HLCS: variants seen among roughly 807,000 people sequenced by gnomAD.
HLCS encodes biotin--protein ligase.
Under a neutral mutation model 75.0 loss-of-function variants are expected in HLCS, and 53 were observed. The ratio of observed to expected loss-of-function variants is 0.71; its 90% CI spans 0.57 to 0.89. The LOEUF is 0.89. Ranked by LOEUF, HLCS falls within the 40% of genes least tolerant of loss-of-function variation. The pLI is 0.00. For missense variants in HLCS, 966 were observed against 1,074.0 expected (o/e 0.90, Z 1.41); for synonymous variants, 431 against 428.6 (o/e 1.01, Z -0.07).
intron 6 of HLCS, among the ~76,000 whole-genome samples, chr21:36,858,168 T>C (rs1452479084): frequency 6.6e-6 from 1 of 152,208 alleles, no homozygotes; most frequent in Non-Finnish European, 1.5e-5. Context: ...AAAAATTTCT[T>C]TCACTGCCCT....
At chr21:36,848,473 T>C (rs2062874733) in intron 6 of HLCS, among the ~76,000 whole-genome samples, 2 of 152,144 alleles carry the variant, frequency 1.3e-5, no homozygotes, top group Non-Finnish European at 2.9e-5. Context: ...TTTACCATGT[T>C]GGCCAGGCTG....
chr21:36,800,866 T>C (rs78124591), intron 6 of HLCS, among the ~76,000 whole-genome samples: 1,844 of 149,416 alleles, frequency 0.012, 31 homozygotes, highest in African/African-American at 0.042. Context: ...GCAAGTTCAG[T>C]GTTGGCTGCC....
intron 6 of HLCS, among the ~76,000 whole-genome samples, chr21:36,791,851 A>G (rs1569015660): frequency 6.6e-6 from 1 of 152,160 alleles, no homozygotes; most frequent in Non-Finnish European, 1.5e-5. Flanking sequence ...CCCCGGCAAA[A>G]GCACTCTTTG....
In HLCS at chr21:36,817,206, A is replaced by G. The variant is rs1309733968; in HGVS notation, c.1893-49921T>C. Among the ~76,000 whole-genome samples, 5 of 152,254 alleles carry G rather than the reference A, an allele frequency of 3.3e-5. No homozygotes were observed. In the East Asian group the frequency reaches 9.6e-4, roughly 29 times the overall value. On this transcript the variant is annotated intron_variant, in intron 6 of 10. Transcript: ENST00000674895. Reference sequence around the variant, plus strand: ...ACATGCAATCCTTCAATATAAAGGTAGATTATAAACATCGGTATTTTTTCT... The same window carrying G: ...ACATGCAATCCTTCAATATAAAGGTGGATTATAAACATCGGTATTTTTTCT...
At chr21:36,948,855 A>G (rs1569235537) in intron 2 of HLCS, among the ~76,000 whole-genome samples, 1 of 152,136 alleles carries the variant, frequency 6.6e-6, no homozygotes, top group Non-Finnish European at 1.5e-5. Context: ...ATAGTCAACT[A>G]ACCCAGATGG....
chr21:36,877,176 C>T (rs2064012907), intron 6 of HLCS, among the ~76,000 whole-genome samples: 2 of 152,130 alleles, frequency 1.3e-5, no homozygotes, highest in African/African-American at 2.4e-5. Context: ...TCAGGTCTTG[C>T]TTTTTAAAAA....
At chr21:36,944,890 A>G (rs2067310303) in intron 2 of HLCS, among the ~76,000 whole-genome samples, 3 of 152,176 alleles carry the variant, frequency 2.0e-5, no homozygotes, top group Admixed American at 2.0e-4. Context: ...TGGGAGGCTG[A>G]GGCGGGTGGA....
upstream of HLCS, among the ~76,000 whole-genome samples, chr21:36,970,838 A>C (rs1458200133): frequency 3.3e-5 from 5 of 152,062 alleles, no homozygotes; most frequent in Admixed American, 3.3e-4. Context: ...TAAAAAATAC[A>C]AAAAAGTTAG....
At chr21:36,852,238 G>A (rs758515469) in intron 6 of HLCS, among the ~76,000 whole-genome samples, 2 of 152,176 alleles carry the variant, frequency 1.3e-5, no homozygotes, top group Non-Finnish European at 2.9e-5. Context: ...TTTTCTAAGC[G>A]TCTCTCTAAG....
At chr21:36,866,857 T>TTA (rs1555915905) in intron 6 of HLCS, among the ~76,000 whole-genome samples, 65 of 149,784 alleles carry the variant, frequency 4.3e-4, no homozygotes, top group African/African-American at 5.2e-4. Flanking sequence ...TTTTTTTTTT[T>TTA]AAAGGTTCTG....
intron 5 of HLCS, among the ~76,000 whole-genome samples, chr21:36,907,038 T>C (rs1341766976): frequency 1.3e-5 from 2 of 152,338 alleles, no homozygotes; most frequent in South Asian, 4.1e-4. Context: ...GCCTGTTTGA[T>C]TGATTTTTGA....
At chr21:36,822,903 G>C (rs1051343323) in intron 6 of HLCS, among the ~76,000 whole-genome samples, 10 of 152,166 alleles carry the variant, frequency 6.6e-5, no homozygotes, top group Non-Finnish European at 1.5e-4. Context: ...ATTTAATTCA[G>C]AGTAGGGTTA....
intron 5 of HLCS, among the ~76,000 whole-genome samples, chr21:36,903,454 A>T (rs1395972261): frequency 6.6e-6 from 1 of 152,164 alleles, no homozygotes; most frequent in Non-Finnish European, 1.5e-5. Context: ...CACAGGCTAG[A>T]GATACATATA....
At chr21:36,930,545 A>G in intron 4 of HLCS, 112 bp from the exon 5 acceptor site, 2 of 918,592 alleles carry the variant, frequency 2.2e-6, no homozygotes, top group East Asian at 5.5e-5. Context: ...GGATCTCATT[A>G]TGTTGCCCAG....
intron 6 of HLCS, among the ~76,000 whole-genome samples, chr21:36,780,285 C>G (rs1181548684): frequency 2.6e-5 from 4 of 152,122 alleles, no homozygotes; most frequent in Non-Finnish European, 5.9e-5. Flanking sequence ...CTCTGTTGCC[C>G]AGGCTGGAGT....
intron 5 of HLCS, among the ~76,000 whole-genome samples, chr21:36,917,106 T>C (rs2065966609): frequency 6.6e-6 from 1 of 152,204 alleles, no homozygotes; most frequent in Non-Finnish European, 1.5e-5. Context: ...AGTTCCAATT[T>C]TTTTTAACAA....
intron 6 of HLCS, among the ~76,000 whole-genome samples, chr21:36,832,416 C>T (rs1418864685): frequency 6.6e-6 from 1 of 152,114 alleles, no homozygotes; most frequent in Non-Finnish European, 1.5e-5. Context: ...TAACATGAGA[C>T]TCAGTTAAGG....
intron 6 of HLCS, among the ~76,000 whole-genome samples, chr21:36,803,455 G>C (rs889281772): frequency 6.6e-6 from 1 of 152,194 alleles, no homozygotes; most frequent in Admixed American, 6.5e-5. Flanking sequence ...CGCTCGCACA[G>C]GGCGACCTTG....
chr21:36,920,341 A>G (rs2066109525), intron 5 of HLCS, among the ~76,000 whole-genome samples: 1 of 151,000 alleles, frequency 6.6e-6, no homozygotes, highest in Non-Finnish European at 1.5e-5. Flanking sequence ...TCAAGAAAAA[A>G]GAAAAAAAAA....
Sources: allele counts gnomAD v4.1 joint callset (sites outside exome capture counted in the v4.1 genomes callset), GRCh38; gene constraint gnomAD v4.1.1; transcripts MANE v1.5; gene names NCBI Gene and HGNC (gene_info 2026-07-23, HGNC 2026-07-21).